Variants in EIPR1 observed in about 807,000 individuals in gnomAD.
EIPR1 encodes EARP complex and GARP complex interacting protein 1.
Under a neutral mutation model 48.1 loss-of-function variants are expected in EIPR1, and 25 were observed. That is an observed-to-expected ratio of 0.52 (90% CI 0.38 to 0.73). The LOEUF is 0.73. EIPR1 is among the 30% of genes least tolerant of loss of function. EIPR1 has a pLI of 0.00. For synonymous variants in EIPR1, 204 were observed against 201.9 expected (o/e 1.01, Z -0.09); for missense variants, 415 against 506.2 (o/e 0.82, Z 1.73).
chr2:3,229,694 C>T (rs950214804), intron 4 of EIPR1, among the ~76,000 whole-genome samples: 1 of 152,158 alleles, frequency 6.6e-6, no homozygotes, highest in Admixed American at 6.5e-5. Context: ...GCTGATGAAT[C>T]CACTCTTTCA....
chr2:3,271,339 G>A (rs866335678), intron 3 of EIPR1, among the ~76,000 whole-genome samples: 14 of 152,170 alleles, frequency 9.2e-5, no homozygotes, highest in African/African-American at 3.4e-4. Context: ...ATCTAGAATG[G>A]TGAATCCTTT....
intron 4 of EIPR1, among the ~76,000 whole-genome samples, chr2:3,234,424 G>T (rs1666334249): frequency 2.6e-5 from 4 of 152,150 alleles, no homozygotes; most frequent in African/African-American, 9.7e-5. Context: ...AGTTCTCCGT[G>T]TCGGCTGGGG....
At chr2:3,363,151 C>A (rs1342572363) in intron 1 of EIPR1, among the ~76,000 whole-genome samples, 2 of 150,732 alleles carry the variant, frequency 1.3e-5, no homozygotes, top group Non-Finnish European at 3.0e-5. Context: ...GGGCCCAGCT[C>A]CACATACAGA....
chr2:3,323,333 G>T (rs1469217558), intron 3 of EIPR1, among the ~76,000 whole-genome samples: 1 of 152,200 alleles, frequency 6.6e-6, no homozygotes, highest in Admixed American at 6.5e-5. Flanking sequence ...GGTGGTATCT[G>T]CCTGAAAGGT....
At chr2:3,371,781 T>C (rs989340786) in intron 1 of EIPR1, among the ~76,000 whole-genome samples, 4 of 152,128 alleles carry the variant, frequency 2.6e-5, no homozygotes, top group African/African-American at 9.7e-5. Flanking sequence ...ACAATAATAA[T>C]GGGAGACTTT....
At chr2:3,363,044 C>T (rs1670888761) in intron 1 of EIPR1, among the ~76,000 whole-genome samples, 1 of 152,156 alleles carries the variant, frequency 6.6e-6, no homozygotes, top group African/African-American at 2.4e-5. Context: ...CTGCATCTGC[C>T]CTTCTCCTTG....
intron 3 of EIPR1, among the ~76,000 whole-genome samples, chr2:3,297,502 T>G (rs1668638117): frequency 6.6e-6 from 1 of 152,136 alleles, no homozygotes; most frequent in Non-Finnish European, 1.5e-5. Flanking sequence ...TTCAGAAGAG[T>G]TGAGCTACGA....
chr2:3,234,676 C>T (rs566767937), intron 4 of EIPR1, among the ~76,000 whole-genome samples: 62 of 152,374 alleles, frequency 4.1e-4, no homozygotes, highest in African/African-American at 1.4e-3. Context: ...TGTAAAAGTG[C>T]GGGACGCTGT....
At chr2:3,269,552 T>C in intron 3 of EIPR1, among the ~76,000 whole-genome samples, 1 of 127,384 alleles carries the variant, frequency 7.9e-6, no homozygotes, top group African/African-American at 3.2e-5. Flanking sequence ...CACTCAGTCA[T>C]CGCACTCAGT....
chr2:3,366,997 A>G (rs977008373), intron 1 of EIPR1, among the ~76,000 whole-genome samples: 3 of 152,098 alleles, frequency 2.0e-5, no homozygotes, highest in African/African-American at 7.2e-5. Context: ...GTGAGCCAAG[A>G]TTGCGCCACT....
chr2:3,290,751 G>A (rs138117638), intron 3 of EIPR1, among the ~76,000 whole-genome samples: 5 of 152,240 alleles, frequency 3.3e-5, no homozygotes, highest in Non-Finnish European at 7.3e-5. Context: ...GAGCGCACTT[G>A]CTGTGACAGG....
At chr2:3,290,293 G>A (rs910053704) in intron 3 of EIPR1, among the ~76,000 whole-genome samples, 2 of 152,204 alleles carry the variant, frequency 1.3e-5, no homozygotes, top group African/African-American at 4.8e-5. Flanking sequence ...TAATTATGAC[G>A]TGTTATATGA....
At chr2:3,377,091 C>CTAGTGTG (rs1659908979) in intron 1 of EIPR1, among the ~76,000 whole-genome samples, 1 of 152,196 alleles carries the variant, frequency 6.6e-6, no homozygotes, top group African/African-American at 2.4e-5. Context: ...AGGTAAAAAA[C>CTAGTGTG]TAGTGTGAAA....
rs1188325704 is a variant in EIPR1 at position 3,286,542 on chromosome 2, G to A, written c.260-29087C>T. On this transcript the variant is annotated intron_variant, in intron 3 of 8. Coordinates refer to ENST00000382125, the MANE Select transcript of EIPR1 (RefSeq NM_003310.5). This position sits in a 1 kb window ranked among gnomAD's most constrained non-coding sequence, Gnocchi z 4.2. ...GAAAGGCTGAGGCATCAGGCTTCGG[G>A]CTGTGTCTACCTTGGTGACTCTGGA... Among the ~76,000 whole-genome samples the A allele has an allele frequency of 6.6e-6, 1 of 152,216 alleles. No individual in the cohort carries two copies. The highest frequency in any genetic ancestry group is 1.5e-5 in the Non-Finnish European group (1 of 68,046).
chr2:3,337,075 A>G (rs935334133), intron 3 of EIPR1, among the ~76,000 whole-genome samples: 3 of 147,154 alleles, frequency 2.0e-5, no homozygotes, highest in South Asian at 2.3e-4. Flanking sequence ...GGGAAGGGGG[A>G]AGGGAAGAGA....
intron 3 of EIPR1, among the ~76,000 whole-genome samples, chr2:3,302,861 G>C (rs941137949): frequency 1.3e-5 from 2 of 152,182 alleles, no homozygotes; most frequent in Admixed American, 6.5e-5. Flanking sequence ...CAGCAGAGAG[G>C]GATCAATACT....
At chr2:3,341,856 C>A (rs1670261544) in intron 2 of EIPR1, among the ~76,000 whole-genome samples, 1 of 151,986 alleles carries the variant, frequency 6.6e-6, no homozygotes, top group Admixed American at 6.6e-5. Context: ...GGCAGAAACG[C>A]ATTAGAATAA....
chr2:3,242,719 A>G lies in EIPR1; in HGVS notation c.416+14580T>C, dbSNP rs114493401. Among the ~76,000 whole-genome samples, 803 of 152,380 alleles carry G rather than the reference A, an allele frequency of 5.3e-3. 9 individuals are homozygous for G. The highest frequency in any genetic ancestry group is 0.018 in the African/African-American group (766 of 41,600). ...CTTAAGAAAGATATGTATCTATCCA[A>G]TGATGGTGATTATGTCATTGCTTAC... On this transcript the variant is annotated intron_variant, in intron 4 of 8. Coordinates refer to ENST00000382125, the MANE Select transcript of EIPR1 (RefSeq NM_003310.5).
chr2:3,271,681 T>C (rs1667706376), intron 3 of EIPR1, among the ~76,000 whole-genome samples: 1 of 152,344 alleles, frequency 6.6e-6, no homozygotes, highest in Non-Finnish European at 1.5e-5. Context: ...CCAGGCTTTA[T>C]TGTTCCATTT....
Sources: allele counts gnomAD v4.1 joint callset (sites outside exome capture counted in the v4.1 genomes callset), GRCh38; gene constraint gnomAD v4.1.1; non-coding constraint Gnocchi (gnomAD v3.1); transcripts MANE v1.5; gene names NCBI Gene and HGNC (gene_info 2026-07-23, HGNC 2026-07-21).